The following PLCL1 variants were observed in gnomAD, a reference collection of about 807,000 sequenced individuals.
PLCL1 encodes inactive phospholipase C-like protein 1.
Under a neutral mutation model 84.4 loss-of-function variants are expected in PLCL1, and 41 were observed. That is an observed-to-expected ratio of 0.49 (90% CI 0.38 to 0.63). The LOEUF (loss-of-function observed/expected upper bound fraction) is 0.63, where lower values mean the gene tolerates loss of function less well. PLCL1 is among the 30% of genes least tolerant of loss of function. The probability of loss-of-function intolerance (pLI) is 0.00; values close to 1 mark genes in which losing one functional copy is unlikely to be tolerated. For synonymous variants in PLCL1, 490 were observed against 488.3 expected (o/e 1.00, Z -0.05); for missense variants, 1,206 against 1,367.8 (o/e 0.88, Z 1.87).
intron 1 of PLCL1, among the ~76,000 whole-genome samples, chr2:197,912,477 A>G (rs1346434640): frequency 1.3e-5 from 2 of 152,030 alleles, no homozygotes; most frequent in African/African-American, 2.4e-5. Context: ...TCTTGCTGCT[A>G]TAAAGACACA....
chr2:197,928,841 T>C (rs1230523692), intron 1 of PLCL1, among the ~76,000 whole-genome samples: 2 of 152,180 alleles, frequency 1.3e-5, no homozygotes, highest in East Asian at 3.8e-4. Context: ...TTCACAATTA[T>C]GTATACAACT....
rs111600743 is a variant in PLCL1, at chr2:197,919,198, C to T, written c.240+113859C>T. Reference sequence around the variant, plus strand: ...TTCTTTTGCTGGGAGGAAAGCAAGTCAGTTTAACCTCCACTGGACAGGACA... The same window carrying T: ...TTCTTTTGCTGGGAGGAAAGCAAGTTAGTTTAACCTCCACTGGACAGGACA... On this transcript the variant is annotated intron_variant, in intron 1 of 5. Transcript: ENST00000428675. Among the ~76,000 whole-genome samples the T allele has an allele frequency of 2.3e-3, 356 of 152,206 alleles. 1 individual carries two copies. Among genetic ancestry groups the T allele is most frequent in the Non-Finnish European group, 4.0e-3 (271 of 68,008 alleles).
chr2:197,876,810 A>G (rs1687742495), intron 1 of PLCL1, among the ~76,000 whole-genome samples: 1 of 152,172 alleles, frequency 6.6e-6, no homozygotes, highest in Non-Finnish European at 1.5e-5. Flanking sequence ...AAATCCATTT[A>G]CAAATAAATT....
At chr2:197,895,624 C>G (rs1688120287) in intron 1 of PLCL1, among the ~76,000 whole-genome samples, 1 of 151,864 alleles carries the variant, frequency 6.6e-6, no homozygotes, top group Admixed American at 6.6e-5. Flanking sequence ...ATAGTGTGCT[C>G]TGGAAACAGT....
intron 1 of PLCL1, among the ~76,000 whole-genome samples, chr2:197,839,185 A>G (rs144880720): frequency 5.1e-4 from 77 of 152,344 alleles, no homozygotes; most frequent in African/African-American, 1.8e-3. Context: ...AGATTTTGCT[A>G]TTTGATATCT....
chr2:197,955,566 G>A (rs1449891602), intron 1 of PLCL1, among the ~76,000 whole-genome samples: 1 of 151,286 alleles, frequency 6.6e-6, no homozygotes, highest in Non-Finnish European at 1.5e-5. Context: ...AGGCCCTGGT[G>A]TGTGTTGTTC....
At chr2:197,962,458 A>G (rs1250955547) in intron 1 of PLCL1, among the ~76,000 whole-genome samples, 1 of 151,942 alleles carries the variant, frequency 6.6e-6, no homozygotes. Context: ...TTAATTTTTA[A>G]TTTTTGTGGG....
At chr2:197,845,233 A>G (rs1345330385) in intron 1 of PLCL1, among the ~76,000 whole-genome samples, 1 of 152,136 alleles carries the variant, frequency 6.6e-6, no homozygotes, top group East Asian at 1.9e-4. Flanking sequence ...GAAAATGACA[A>G]GTCAAAGATT....
At chr2:198,106,740 T>C (rs2105916233) in intron 5 of PLCL1, among the ~76,000 whole-genome samples, 1 of 152,030 alleles carries the variant, frequency 6.6e-6, no homozygotes, top group South Asian at 2.1e-4. Flanking sequence ...CACTCAAGGC[T>C]AGGTACTTTA....
intron 1 of PLCL1, among the ~76,000 whole-genome samples, chr2:198,023,937 C>T (rs184857014): frequency 6.6e-6 from 1 of 152,258 alleles, no homozygotes; most frequent in Non-Finnish European, 1.5e-5. Context: ...ACTATAAAGA[C>T]ACATGCACAC....
intron 1 of PLCL1, among the ~76,000 whole-genome samples, chr2:198,018,820 C>T (rs1056231387): frequency 6.6e-6 from 1 of 152,238 alleles, no homozygotes; most frequent in Non-Finnish European, 1.5e-5. Flanking sequence ...CAGACTTTAA[C>T]GTTCCTGCCT....
Position 198,103,940 on chromosome 2 carries a change from G to C in PLCL1, c.3105+4G>C. ...TTGGAACATTACAGTATTGAAGGTA[G>C]ATGAAACACTCAGATGTCCCCTGTG... On this transcript the variant is annotated splice_donor_region_variant and intron_variant, in intron 5 of 5. Coordinates refer to ENST00000428675, the MANE Select transcript of PLCL1 (RefSeq NM_006226.4). The C allele has an allele frequency of 6.8e-7, 1 of 1,472,906 alleles. No individual in the cohort carries two copies. Among genetic ancestry groups the C allele is most frequent in the Non-Finnish European group, 9.4e-7 (1 of 1,064,098 alleles). 91.2% of individuals were successfully genotyped at this position (1,472,906 alleles called of 1,614,324 possible).
intron 1 of PLCL1, among the ~76,000 whole-genome samples, chr2:198,011,819 T>C (rs1364163421): frequency 6.6e-6 from 1 of 152,178 alleles, no homozygotes; most frequent in Non-Finnish European, 1.5e-5. Flanking sequence ...TTTACTGTTA[T>C]ATCTTCCTGG....
At chr2:198,143,562 AAG>A (rs572353738) in intron 5 of PLCL1, among the ~76,000 whole-genome samples, 122 of 152,290 alleles carry the variant, frequency 8.0e-4, no homozygotes, top group African/African-American at 2.8e-3. Flanking sequence ...AGTAGAGAGA[AAG>A]AGATTGCTAG....
intron 1 of PLCL1, among the ~76,000 whole-genome samples, chr2:197,931,675 A>ACCAACCAACCAC (rs1485463195): frequency 1.1e-5 from 1 of 90,680 alleles, no homozygotes. Context: ...CAACCAACCA[A>ACCAACCAACCAC]CCACCCACCC....
At chr2:198,102,496 C>G (rs935604283) in intron 4 of PLCL1, among the ~76,000 whole-genome samples, 2 of 151,974 alleles carry the variant, frequency 1.3e-5, no homozygotes, top group Admixed American at 1.3e-4. Flanking sequence ...AATATAAAAA[C>G]TAGAACAAGG....
intron 1 of PLCL1, among the ~76,000 whole-genome samples, chr2:198,055,277 A>G (rs1020546905): frequency 2.8e-5 from 4 of 141,426 alleles, no homozygotes; most frequent in Admixed American, 2.1e-4. Flanking sequence ...ACAAACCTCA[A>G]GGACTGCTGG....
intron 1 of PLCL1, among the ~76,000 whole-genome samples, chr2:197,990,064 A>G (rs544493802): frequency 6.6e-6 from 1 of 152,192 alleles, no homozygotes; most frequent in Non-Finnish European, 1.5e-5. Context: ...AAGTCACCTT[A>G]TATTGGAGTC....
chr2:198,011,361 C>T (rs1690864370), intron 1 of PLCL1, among the ~76,000 whole-genome samples: 1 of 151,930 alleles, frequency 6.6e-6, no homozygotes, highest in Non-Finnish European at 1.5e-5. Flanking sequence ...GTGATTTCTT[C>T]TTAGACTCAT....
Sources: gnomAD v4.1 joint callset for allele counts (sites outside exome capture counted in the v4.1 genomes callset) on GRCh38, gnomAD v4.1.1 for gene constraint, MANE v1.5 for transcripts, NCBI Gene and HGNC (gene_info 2026-07-23, HGNC 2026-07-21) for gene names.